The following MAF variants were observed in gnomAD, a reference collection of about 807,000 sequenced individuals.
The protein encoded by MAF is transcription factor Maf.
MAF carries 10 observed loss-of-function variants against 22.0 expected under a neutral mutation model. That is an observed-to-expected ratio of 0.45 (90% confidence interval 0.28 to 0.77). The LOEUF is 0.77. Ranked by LOEUF, MAF falls within the 30% of genes least tolerant of loss-of-function variation. MAF has a pLI of 0.12. For missense variants in MAF, 544 were observed against 548.4 expected, an observed-to-expected ratio of 0.99 and a Z score of 0.08; for synonymous variants, 337 against 255.8, an observed-to-expected ratio of 1.32 and a Z score of -3.03.
the MAF span, among the ~76,000 whole-genome samples, chr16:79,320,567 C>T: frequency 6.6e-6 from 1 of 152,174 alleles, no homozygotes; most frequent in Non-Finnish European, 1.5e-5. Context: ...TCTTATGCAA[C>T]GTTGTCTCTC....
In MAF at chr16:79,599,796, G is replaced by A; in HGVS notation, c.107C>T (p.Pro36Leu). The part of the protein sequence containing the change: ...DLMKFEVKKE[P>L]VETDRIISQC... Reference sequence around the variant, plus strand: ...GCTGATGATGCGGTCGGTCTCCACCGGTTCCTTTTTCACTTCAAACTTCAT... The same window carrying A: ...GCTGATGATGCGGTCGGTCTCCACCAGTTCCTTTTTCACTTCAAACTTCAT... The change falls in exon 1 of 2, where the codon CCG becomes CTG. Residue 36 changes from proline (P) to leucine (L), a missense_variant. Around this residue, in one of 5 missense-constraint regions of MAF, gnomAD observed 63 missense variants for 72.7 expected, o/e 0.87. Coordinates refer to ENST00000326043, the MANE Select transcript of MAF (RefSeq NM_005360.5). The A allele has an allele frequency of 6.2e-7, 1 of 1,613,040 alleles. No individual in the cohort carries two copies. Among genetic ancestry groups the A allele is most frequent in the Non-Finnish European group, 8.5e-7 (1 of 1,179,948 alleles).
At chr16:79,203,587 T>C in the MAF span, 2 of 150,678 alleles carry the variant, frequency 1.3e-5, no homozygotes, top group Non-Finnish European at 2.9e-5. Flanking sequence ...AACCTTAAAA[T>C]CTAAACAAAC....
chr16:79,332,697 G>C, the MAF span, among the ~76,000 whole-genome samples: 1 of 152,206 alleles, frequency 6.6e-6, no homozygotes, highest in Non-Finnish European at 1.5e-5. Flanking sequence ...GCAATGTCAT[G>C]AGCGCAGTAC....
chr16:79,274,029 A>T, the MAF span, among the ~76,000 whole-genome samples: 1 of 143,172 alleles, frequency 7.0e-6, no homozygotes, highest in Admixed American at 7.5e-5. Context: ...ATCTCGGCTC[A>T]CTGCAACTTC....
rs905947666 is a variant in MAF at position 79,600,059 on chromosome 16, C to G, written c.-157G>C. 6 of 952,328 alleles carry G rather than the reference C, an allele frequency of 6.3e-6. No homozygotes were observed. The South Asian group carries it at 8.2e-5, about 13-fold the overall frequency. 59.0% of individuals were successfully genotyped at this position (952,328 alleles called of 1,614,324 possible). The stretch of plus-strand genomic sequence containing the variant: ...GTGGCTGGCCCGAAACCTCCGAGCG[C>G]GCTCACACACACACCCCCCCGCCCT... On this transcript the variant is annotated 5_prime_UTR_variant, in exon 1 of 2. Transcript: ENST00000326043.
At chr16:79,461,356 G>C in the MAF span, among the ~76,000 whole-genome samples, 4 of 152,226 alleles carry the variant, frequency 2.6e-5, no homozygotes, top group East Asian at 3.9e-4. Context: ...CTGCTCAGCT[G>C]TCTCTCTACG....
At chr16:79,496,994 G>A in the MAF span, among the ~76,000 whole-genome samples, 2 of 152,218 alleles carry the variant, frequency 1.3e-5, no homozygotes, top group South Asian at 4.1e-4. Context: ...TTAAGTGAGT[G>A]TAACAATTTA....
chr16:79,300,009 G>C, the MAF span, among the ~76,000 whole-genome samples: 4 of 152,158 alleles, frequency 2.6e-5, no homozygotes, highest in African/African-American at 9.7e-5. Context: ...GTGCAGGCTA[G>C]GGAGCCTTCC....
chr16:79,565,561 C>A, the MAF span, among the ~76,000 whole-genome samples: 37 of 152,106 alleles, frequency 2.4e-4, no homozygotes, highest in African/African-American at 8.4e-4. Context: ...TACCTCCATG[C>A]TGTTCTTGTG....
At chr16:79,596,202 T>C (rs1360550124) in intron 1 of MAF, 2 of 1,061,876 alleles carry the variant, frequency 1.9e-6, no homozygotes, top group East Asian at 1.0e-4. Flanking sequence ...TGTTTTGTTT[T>C]GTTTTTCCTA....
At chr16:79,411,384 A>G in the MAF span, among the ~76,000 whole-genome samples, 1 of 152,294 alleles carries the variant, frequency 6.6e-6, no homozygotes, top group African/African-American at 2.4e-5. Context: ...CACTTGAGTT[A>G]TCTGCCCCAT....
chr16:79,521,055 G>A, the MAF span, among the ~76,000 whole-genome samples: 4 of 152,188 alleles, frequency 2.6e-5, no homozygotes, highest in Admixed American at 2.6e-4. Context: ...CCTAACCACT[G>A]TATCATACAT....
the MAF span, among the ~76,000 whole-genome samples, chr16:79,307,268 C>A: frequency 6.6e-6 from 1 of 152,210 alleles, no homozygotes; most frequent in Non-Finnish European, 1.5e-5. Flanking sequence ...GCCATGAACT[C>A]GTAGCCCTAG....
the MAF span, among the ~76,000 whole-genome samples, chr16:79,557,638 C>T: frequency 6.6e-6 from 1 of 152,038 alleles, no homozygotes; most frequent in African/African-American, 2.4e-5. Flanking sequence ...CAGAGTGTTG[C>T]AAAGATTAAG....
At chr16:79,262,252 G>A in the MAF span, among the ~76,000 whole-genome samples, 1 of 152,182 alleles carries the variant, frequency 6.6e-6, no homozygotes, top group Non-Finnish European at 1.5e-5. Flanking sequence ...CAGACAGCCA[G>A]TAGGTATCGT....
chr16:79,413,225 T>G, the MAF span, among the ~76,000 whole-genome samples: 6 of 19,986 alleles, frequency 3.0e-4, no homozygotes, highest in South Asian at 0.019. Context: ...TTTTTTTTTT[T>G]TTTTTTTTTT....
At chr16:79,276,223 G>T in the MAF span, among the ~76,000 whole-genome samples, 1 of 152,128 alleles carries the variant, frequency 6.6e-6, no homozygotes, top group Non-Finnish European at 1.5e-5. Context: ...CTGCCAGCCT[G>T]CAAGTCCTAT....
At chr16:79,553,320 T>C in the MAF span, among the ~76,000 whole-genome samples, 2 of 152,174 alleles carry the variant, frequency 1.3e-5, no homozygotes, top group African/African-American at 4.8e-5. Context: ...GTTGGCTGAG[T>C]GGCTTCCAAT....
the MAF span, among the ~76,000 whole-genome samples, chr16:79,227,373 A>G: frequency 4.6e-5 from 7 of 151,974 alleles, no homozygotes; most frequent in African/African-American, 9.7e-5. Flanking sequence ...AAACAAAACA[A>G]AACAACTGGC....
Sources: allele counts gnomAD v4.1 joint callset (sites outside exome capture counted in the v4.1 genomes callset), GRCh38; gene constraint gnomAD v4.1.1; regional missense constraint gnomAD v4.1.1; transcripts MANE v1.5; gene names NCBI Gene and HGNC (gene_info 2026-07-23, HGNC 2026-07-21).